ARK2C: variants seen among roughly 807,000 people sequenced by gnomAD.
ARK2C encodes arkadia (RNF111) C-terminal like ring finger ubiquitin ligase 2C.
At chr18:46,445,067 T>C in the ARK2C span, among the ~76,000 whole-genome samples, 2 of 152,232 alleles carry the variant, frequency 1.3e-5, no homozygotes, top group Non-Finnish European at 2.9e-5. Context: ...TTCTGGGACA[T>C]ATTATCATTT....
At chr18:46,433,677 C>A in the ARK2C span, among the ~76,000 whole-genome samples, 1 of 152,320 alleles carries the variant, frequency 6.6e-6, no homozygotes, top group South Asian at 2.1e-4. Flanking sequence ...CGGCAGTCAC[C>A]AAGTGGGTCT....
At chr18:46,400,894 T>C in the ARK2C span, among the ~76,000 whole-genome samples, 39 of 152,256 alleles carry the variant, frequency 2.6e-4, 1 homozygote, top group South Asian at 1.9e-3. Flanking sequence ...CATTTACCAC[T>C]TACCCCCTTC....
At chr18:46,349,325 T>A in the ARK2C span, among the ~76,000 whole-genome samples, 4 of 152,142 alleles carry the variant, frequency 2.6e-5, no homozygotes, top group African/African-American at 9.7e-5. Context: ...AGATGGCTGT[T>A]TTTTTGCTGT....
chr18:46,352,599 C>A, the ARK2C span, among the ~76,000 whole-genome samples: 1 of 152,130 alleles, frequency 6.6e-6, no homozygotes, highest in Admixed American at 6.5e-5. Context: ...TAGGATATGG[C>A]CCTTTTCTGC....
the ARK2C span, among the ~76,000 whole-genome samples, chr18:46,383,739 A>G: frequency 6.6e-6 from 1 of 151,678 alleles, no homozygotes; most frequent in Non-Finnish European, 1.5e-5. Context: ...TATTTTTAAT[A>G]CAGACGGGGT....
At chr18:46,456,742 A>C in the ARK2C span, 1 of 790,740 alleles carries the variant, frequency 1.3e-6, no homozygotes, top group Non-Finnish European at 2.2e-6. Context: ...GTAGAGGAAA[A>C]GCCTGCAAGC....
the ARK2C span, among the ~76,000 whole-genome samples, chr18:46,377,730 AGGAGTT>A: frequency 6.6e-6 from 1 of 152,184 alleles, no homozygotes; most frequent in South Asian, 2.1e-4. Flanking sequence ...GGCTTCAGGG[AGGAGTT>A]GCTATGTGAT....
At chr18:46,377,787 T>G in the ARK2C span, among the ~76,000 whole-genome samples, 18 of 152,230 alleles carry the variant, frequency 1.2e-4, no homozygotes, top group Admixed American at 7.8e-4. Flanking sequence ...AAACAAAGGT[T>G]GAAAGCACTC....
chr18:46,340,836 A>T, the ARK2C span, among the ~76,000 whole-genome samples: 1 of 152,198 alleles, frequency 6.6e-6, no homozygotes. Flanking sequence ...TAGCCAGAGG[A>T]TCAAATAAGG....
chr18:46,334,660 A>G, the ARK2C span: 2 of 434,514 alleles, frequency 4.6e-6, no homozygotes, highest in Non-Finnish European at 8.0e-6. The surrounding 1 kb of genome is among the most constrained non-coding windows in gnomAD (Gnocchi z 4.4). Context: ...GAAAGGAGAA[A>G]GATACATGAC....
the ARK2C span, among the ~76,000 whole-genome samples, chr18:46,399,027 C>A: frequency 6.6e-6 from 1 of 152,202 alleles, no homozygotes; most frequent in Admixed American, 6.5e-5. Flanking sequence ...CCACGACACC[C>A]GGGAGTCTGC....
chr18:46,450,455 C>A, the ARK2C span: 2 of 1,303,876 alleles, frequency 1.5e-6, no homozygotes, highest in East Asian at 2.3e-5. Flanking sequence ...TTATTGTTAT[C>A]ATCCCTTTTC....
At chr18:46,396,115 C>A in the ARK2C span, among the ~76,000 whole-genome samples, 1 of 152,202 alleles carries the variant, frequency 6.6e-6, no homozygotes, top group African/African-American at 2.4e-5. Flanking sequence ...ATATGCAAGA[C>A]CCTTTGGGGC....
the ARK2C span, among the ~76,000 whole-genome samples, chr18:46,398,177 G>A: frequency 6.7e-6 from 1 of 149,188 alleles, no homozygotes; most frequent in Admixed American, 6.7e-5. Flanking sequence ...GTGTGTGCAT[G>A]TGGTGTATGT....
chr18:46,386,131 G>A, the ARK2C span: 3 of 152,242 alleles, frequency 2.0e-5, no homozygotes, highest in African/African-American at 7.2e-5. Flanking sequence ...CAGGGGCCAT[G>A]TTCTCAGGGA....
At chr18:46,406,684 T>C in the ARK2C span, among the ~76,000 whole-genome samples, 3 of 152,284 alleles carry the variant, frequency 2.0e-5, no homozygotes, top group East Asian at 5.8e-4. Context: ...CACAGAGGGA[T>C]CACATGTGGG....
the ARK2C span, among the ~76,000 whole-genome samples, chr18:46,405,565 G>A: frequency 0.051 from 7,730 of 152,212 alleles, 746 homozygotes; most frequent in East Asian, 0.39. Flanking sequence ...AGAGGGCGAA[G>A]GAGACAGCGC....
the ARK2C span, among the ~76,000 whole-genome samples, chr18:46,456,280 G>A: frequency 1.3e-5 from 2 of 152,204 alleles, no homozygotes; most frequent in African/African-American, 4.8e-5. Context: ...ACGGACGCGA[G>A]GATGAAAAGT....
chr18:46,340,749 C>A, the ARK2C span, among the ~76,000 whole-genome samples: 1 of 152,210 alleles, frequency 6.6e-6, no homozygotes, highest in Admixed American at 6.5e-5. Context: ...TAAGCTGTTA[C>A]AAGATACCTG....
Sources: gnomAD v4.1 joint callset for allele counts (sites outside exome capture counted in the v4.1 genomes callset) on GRCh38, gnomAD v4.1.1 for gene constraint, Gnocchi (gnomAD v3.1) non-coding constraint, MANE v1.5 for transcripts, NCBI Gene and HGNC (gene_info 2026-07-23, HGNC 2026-07-21) for gene names.